PHACTR2: variants seen among roughly 807,000 people sequenced by gnomAD.
The protein encoded by PHACTR2 is phosphatase and actin regulator 2.
PHACTR2 carries 30 observed loss-of-function variants against 76.0 expected under a neutral mutation model. That is an observed-to-expected ratio of 0.39 (90% CI 0.30 to 0.54). The LOEUF (loss-of-function observed/expected upper bound fraction) is 0.54. PHACTR2 is among the 20% of genes least tolerant of loss of function. PHACTR2 has a pLI of 0.61. For synonymous variants in PHACTR2, 292 were observed against 292.5 expected, an observed-to-expected ratio of 1.00 and a Z score of 0.02; for missense variants, 696 against 781.1, an observed-to-expected ratio of 0.89 and a Z score of 1.30.
rs895437152 is a variant in PHACTR2, at chr6:143,751,826, T to A, written c.296-1928T>A. Among the ~76,000 whole-genome samples the A allele has an allele frequency of 8.7e-5, 6 of 68,764 alleles. No homozygotes were observed. The highest frequency in any genetic ancestry group is 1.5e-4 in the Admixed American group (1 of 6,832). 45.1% of individuals were successfully genotyped at this position (68,764 alleles called of 152,430 possible). A position where few individuals can be genotyped will look rare whatever the true frequency, so the allele number is the denominator to read the frequency against. ...CACACACACACACACACACACACAC[T>A]ATATCAAGGATTTAACTTATTTTAA... On this transcript the variant is annotated intron_variant, in intron 3 of 12. Coordinates refer to ENST00000440869, the MANE Select transcript of PHACTR2 (RefSeq NM_001100164.2). This position sits in a 1 kb window ranked among gnomAD's most constrained non-coding sequence, Gnocchi z 5.7.
chr6:143,676,620 C>T (rs73577959), upstream of PHACTR2, among the ~76,000 whole-genome samples: 11,404 of 152,148 alleles, frequency 0.075, 1,402 homozygotes, highest in African/African-American at 0.26. This position sits in a 1 kb window ranked among gnomAD's most constrained non-coding sequence, Gnocchi z 4.8. Context: ...TTACTCTCAT[C>T]GCTTAGCGCC....
At chr6:143,717,075 A>G (rs779185126) in intron 2 of PHACTR2, among the ~76,000 whole-genome samples, 1 of 152,166 alleles carries the variant, frequency 6.6e-6, no homozygotes, top group Non-Finnish European at 1.5e-5. Flanking sequence ...TTCTCAGTTT[A>G]ACCCAAACTG....
At chr6:143,714,274 G>A (rs1000283324) in intron 2 of PHACTR2, among the ~76,000 whole-genome samples, 1 of 152,086 alleles carries the variant, frequency 6.6e-6, no homozygotes, top group Non-Finnish European at 1.5e-5. Flanking sequence ...ACTCTTCTAC[G>A]TTTGTCCTTC....
In PHACTR2 at chr6:143,585,801, A is replaced by G. The variant is rs1468047334; in HGVS notation, c.217+48594A>G. 6.6e-6 allele frequency among the ~76,000 whole-genome samples: 1 copy of G among 152,224 alleles called. No homozygotes were observed. The highest frequency in any genetic ancestry group is 1.5e-5 in the Non-Finnish European group (1 of 68,038). ...GACTTCTTAGGTAATTTCTGTTTCA[A>G]ATTAGATTTGGCTAGGGAATTAATG... On this transcript the variant is annotated intron_variant, in intron 1 of 11. Transcript: ENST00000367584. The surrounding 1 kb of genome is among the most constrained non-coding windows in gnomAD (Gnocchi z 5.2).
intron 4 of PHACTR2, among the ~76,000 whole-genome samples, chr6:143,759,629 A>AAG (rs1779387786): frequency 9.3e-6 from 1 of 108,052 alleles, no homozygotes; most frequent in Admixed American, 8.5e-5. Context: ...ACCCTATCTG[A>AAG]AAAAAAAAAA....
rs1383580202 is a variant in PHACTR2 at position 143,827,903 on chromosome 6, G to A, written c.*4214G>A. 6.6e-6 allele frequency: 1 copy of A among 152,138 alleles called. No individual in the cohort carries two copies. The highest frequency in any genetic ancestry group is 1.9e-4 in the East Asian group (1 of 5,182). The allele number at this position is 152,138 out of a possible 1,614,324, so 9.4% of individuals were successfully genotyped here. On this transcript the variant is annotated 3_prime_UTR_variant, in exon 13 of 13. Coordinates refer to ENST00000440869, the MANE Select transcript of PHACTR2 (RefSeq NM_001100164.2). ...TACACCTGTAATACCAGCACTTTGGGAGGCCAAGGTGGGTGGATCAGTTGA... is the reference window on the plus strand; with the variant it reads ...TACACCTGTAATACCAGCACTTTGGAAGGCCAAGGTGGGTGGATCAGTTGA...
chr6:143,633,985 T>G lies in PHACTR2; in HGVS notation c.13+25663T>G, dbSNP rs1776408375. On this transcript the variant is annotated intron_variant, in intron 1 of 11. Coordinates refer to the PHACTR2 transcript ENST00000305766. This position sits in a 1 kb window ranked among gnomAD's most constrained non-coding sequence, Gnocchi z 4.1. ...TCATAAAATGACTATGATAATTATA[T>G]TTTATCCTACTTTTACAAAATACTA... 6.6e-6 allele frequency among the ~76,000 whole-genome samples: 1 copy of G among 152,202 alleles called. No homozygotes were observed. The highest frequency in any genetic ancestry group is 2.4e-5 in the African/African-American group (1 of 41,442).
chr6:143,613,982 G>A (rs543433286), intron 1 of PHACTR2, among the ~76,000 whole-genome samples: 1 of 152,282 alleles, frequency 6.6e-6, no homozygotes, highest in East Asian at 1.9e-4. Context: ...CAGCACTTGG[G>A]GAGGCCAAGG....
intron 2 of PHACTR2, among the ~76,000 whole-genome samples, chr6:143,715,586 G>A (rs1231493723): frequency 6.6e-6 from 1 of 152,234 alleles, no homozygotes; most frequent in African/African-American, 2.4e-5. Context: ...GTGTTCTGCA[G>A]CCAATAAGCA....
chr6:143,564,498 T>G (rs1227772228), intron 1 of PHACTR2, among the ~76,000 whole-genome samples: 1 of 152,034 alleles, frequency 6.6e-6, no homozygotes, highest in Non-Finnish European at 1.5e-5. Context: ...GCTAGGATTT[T>G]GTATTTTTAA....
chr6:143,790,473 C>T (rs1407888724), intron 11 of PHACTR2, among the ~76,000 whole-genome samples: 1 of 152,006 alleles, frequency 6.6e-6, no homozygotes, highest in African/African-American at 2.4e-5. Flanking sequence ...GCTAGGAAGT[C>T]GTATCTCATT....
In PHACTR2 at chr6:143,711,000, A is replaced by G. The variant is rs1415959646; in HGVS notation, c.47-1016A>G. ...CTCTAAACACTTCAGCATACATGTC[A>G]TTAATTAGACTTCACTGTCAGTTTA... is the stretch of plus-strand genomic sequence containing the variant. On this transcript the variant is annotated intron_variant, in intron 1 of 12. Transcript: ENST00000440869. The surrounding 1 kb of genome is among the most constrained non-coding windows in gnomAD (Gnocchi z 4.9). 1 of 514,814 alleles carries G rather than the reference A, an allele frequency of 1.9e-6. No individual in the cohort carries two copies. Among genetic ancestry groups the G allele is most frequent in the Non-Finnish European group, 3.9e-6 (1 of 257,962 alleles). 31.9% of individuals were successfully genotyped at this position (514,814 alleles called of 1,614,324 possible).
At chr6:143,629,649 T>C (rs1011425696) in intron 1 of PHACTR2, among the ~76,000 whole-genome samples, 1 of 151,936 alleles carries the variant, frequency 6.6e-6, no homozygotes, top group African/African-American at 2.4e-5. Context: ...TAGCTTGAAA[T>C]ATTGTGTCAC....
chr6:143,716,398 T>C (rs1444667000), intron 2 of PHACTR2, among the ~76,000 whole-genome samples: 2 of 152,244 alleles, frequency 1.3e-5, no homozygotes, highest in Admixed American at 1.3e-4. Flanking sequence ...CTATCACAGC[T>C]CACTGCAGCC....
In PHACTR2 at chr6:143,775,699, T is replaced by C. The variant is rs984169825; in HGVS notation, c.1589+1484T>C. Among the ~76,000 whole-genome samples, 1 of 152,362 alleles carries C rather than the reference T, an allele frequency of 6.6e-6. No individual in the cohort carries two copies. The highest frequency in any genetic ancestry group is 1.9e-4 in the East Asian group (1 of 5,194). On this transcript the variant is annotated intron_variant, in intron 8 of 12. Coordinates refer to ENST00000440869, the MANE Select transcript of PHACTR2 (RefSeq NM_001100164.2). This position sits in a 1 kb window ranked among gnomAD's most constrained non-coding sequence, Gnocchi z 4.4. ...TGTTTTATTACTCTTGTTTATGTTT[T>C]ACTATGAAGAAGAATGTAAATCATT...
At chr6:143,551,184 C>T (rs973293105) in intron 1 of PHACTR2, among the ~76,000 whole-genome samples, 3 of 152,016 alleles carry the variant, frequency 2.0e-5, no homozygotes, top group Non-Finnish European at 4.4e-5. Flanking sequence ...CCCCCCTTAT[C>T]TATGGGGGAT....
At chr6:143,723,077 G>A (rs1778479896) in intron 2 of PHACTR2, among the ~76,000 whole-genome samples, 1 of 152,158 alleles carries the variant, frequency 6.6e-6, no homozygotes, top group African/African-American at 2.4e-5. Context: ...GAACAGTCTG[G>A]CATCTCATTC....
Position 143,644,689 on chromosome 6 carries a change from T to C in PHACTR2, c.13+36367T>C, listed in dbSNP as rs186236333. On this transcript the variant is annotated intron_variant, in intron 1 of 11. Transcript: ENST00000305766. ...TTCTTACAAATATAATTGGCAACCA[T>C]GTTTTGTTTTTCTTAGTGGTATGTA... Among the ~76,000 whole-genome samples, 10 of 152,102 alleles carry C rather than the reference T, an allele frequency of 6.6e-5. 1 individual carries two copies. The highest frequency in any genetic ancestry group is 2.6e-4 in the Admixed American group (4 of 15,276).
At chr6:143,552,633 G>A (rs569221512) in intron 1 of PHACTR2, among the ~76,000 whole-genome samples, 1 of 152,142 alleles carries the variant, frequency 6.6e-6, no homozygotes, top group African/African-American at 2.4e-5. Context: ...GCTGGATGCG[G>A]TGGCTCATAC....
Sources: allele counts gnomAD v4.1 joint callset (sites outside exome capture counted in the v4.1 genomes callset), GRCh38; gene constraint gnomAD v4.1.1; non-coding constraint Gnocchi (gnomAD v3.1); transcripts MANE v1.5; gene names NCBI Gene and HGNC (gene_info 2026-07-23, HGNC 2026-07-21).